The following GRIA3 variants were observed in gnomAD, a reference collection of about 807,000 sequenced individuals.
GRIA3 encodes the protein glutamate receptor 3.
In GRIA3, 3 loss-of-function variants were observed where a neutral mutation model predicts 63.0. The observed-to-expected ratio is 0.05, with a 90% CI of 0.02 to 0.12. GRIA3 has a LOEUF of 0.12. GRIA3 is among the 10% of genes least tolerant of loss of function. The pLI, the probability that GRIA3 is intolerant of heterozygous loss-of-function variation, is 1.00. For missense variants in GRIA3, 347 were observed against 700.9 expected (o/e 0.50, Z 5.70); for synonymous variants, 274 against 257.9 (o/e 1.06, Z -0.60).
intron 2 of GRIA3, among the ~76,000 whole-genome samples, chrX:123,229,927 AAT>A (rs2044267654): frequency 8.9e-6 from 1 of 112,015 alleles, no homozygotes; most frequent in African/African-American, 3.2e-5. Context: ...CATGATGCAA[AAT>A]ATGTGTGCCA....
At chrX:123,243,508 A>G (rs1401582465) in intron 2 of GRIA3, among the ~76,000 whole-genome samples, 5 of 111,704 alleles carry the variant, frequency 4.5e-5, no homozygotes, top group Non-Finnish European at 7.5e-5. Flanking sequence ...GTCTCTTTGC[A>G]TAGGGTGCTC....
intron 2 of GRIA3, among the ~76,000 whole-genome samples, chrX:123,223,457 T>C (rs1271128767): frequency 2.7e-5 from 3 of 112,567 alleles, no homozygotes. Context: ...AGAGCAGACA[T>C]GCCAAGGATT....
intron 10 of GRIA3, among the ~76,000 whole-genome samples, chrX:123,414,515 T>A (rs2045524857): frequency 9.0e-6 from 1 of 111,562 alleles, no homozygotes; most frequent in South Asian, 3.8e-4. Context: ...GTTGGTTTGC[T>A]GCACCAATCA....
At chrX:123,191,506 C>T (rs552697214) in intron 2 of GRIA3, among the ~76,000 whole-genome samples, 1 of 111,887 alleles carries the variant, frequency 8.9e-6, no homozygotes, top group South Asian at 3.8e-4. Flanking sequence ...CAGTCCTTGA[C>T]AAAGGTTAAC....
intron 2 of GRIA3, among the ~76,000 whole-genome samples, chrX:123,214,742 T>G (rs1303714756): frequency 8.9e-6 from 1 of 112,281 alleles, no homozygotes; most frequent in Admixed American, 9.4e-5. Flanking sequence ...AGAAATCAAT[T>G]TATTTTTCTT....
chrX:123,276,704 C>T (rs1225105579), intron 3 of GRIA3, among the ~76,000 whole-genome samples: 1 of 111,234 alleles, frequency 9.0e-6, no homozygotes, highest in Non-Finnish European at 1.9e-5. Context: ...GTGCTCATAG[C>T]CTTAGTCTTT....
chrX:123,317,281 C>A (rs2147326903), intron 3 of GRIA3, among the ~76,000 whole-genome samples: 1 of 111,252 alleles, frequency 9.0e-6, no homozygotes. Context: ...CAAACCATAT[C>A]ATTCTGCCCT....
intron 13 of GRIA3, among the ~76,000 whole-genome samples, chrX:123,477,178 C>T (rs1181727548): frequency 8.9e-6 from 1 of 111,813 alleles, no homozygotes; most frequent in Admixed American, 9.5e-5. Context: ...TTCTGAAATG[C>T]TTTGTCCCAG....
intron 5 of GRIA3, among the ~76,000 whole-genome samples, chrX:123,387,015 C>G (rs2045358054): frequency 9.0e-6 from 1 of 111,307 alleles, no homozygotes; most frequent in Non-Finnish European, 1.9e-5. Context: ...GGTATTTTGA[C>G]AGGAATTGCA....
intron 3 of GRIA3, among the ~76,000 whole-genome samples, chrX:123,262,050 C>A (rs911049189): frequency 9.0e-6 from 1 of 111,559 alleles, no homozygotes; most frequent in Non-Finnish European, 1.9e-5. Context: ...AGGGTTTGGG[C>A]CTGAAACATC....
At chrX:123,210,175 CTT>C (rs200522754) in intron 2 of GRIA3, among the ~76,000 whole-genome samples, 9,239 of 92,092 alleles carry the variant, frequency 0.1, 594 homozygotes, top group East Asian at 0.3. Context: ...CAACCTGCTC[CTT>C]TTTTTTTTTT....
At chrX:123,316,010 TAAAAA>T (rs59913158) in intron 3 of GRIA3, among the ~76,000 whole-genome samples, 1 of 81,957 alleles carries the variant, frequency 1.2e-5, no homozygotes, top group African/African-American at 4.5e-5. Flanking sequence ...ACCCCATCTC[TAAAAA>T]AAAAAAAAAA....
At chrX:123,188,505 A>AC (rs749877220) in intron 2 of GRIA3, among the ~76,000 whole-genome samples, 1 of 110,332 alleles carries the variant, frequency 9.1e-6, no homozygotes, top group African/African-American at 3.3e-5. Context: ...CTGACAGGTG[A>AC]CCCCCAGGTT....
intron 12 of GRIA3, among the ~76,000 whole-genome samples, chrX:123,444,116 C>T (rs1312030518): frequency 9.0e-6 from 1 of 111,053 alleles, no homozygotes; most frequent in Non-Finnish European, 1.9e-5. Context: ...AACCTTTAGC[C>T]AAAGATCTCT....
chrX:123,202,518 G>C, intron 2 of GRIA3: 1 of 723,732 alleles, frequency 1.4e-6, no homozygotes, highest in Non-Finnish European at 2.0e-6. Flanking sequence ...CTGTGGCCTG[G>C]ACAGTGTACA....
intron 5 of GRIA3, among the ~76,000 whole-genome samples, chrX:123,369,911 A>T (rs1205749683): frequency 1.8e-5 from 2 of 111,587 alleles, no homozygotes; most frequent in Non-Finnish European, 3.8e-5. Flanking sequence ...TTCTAGGTGA[A>T]TAAGGACCAG....
intron 4 of GRIA3, among the ~76,000 whole-genome samples, chrX:123,352,085 A>AC (rs2045099001): frequency 9.8e-6 from 1 of 102,219 alleles, no homozygotes; most frequent in South Asian, 4.4e-4. Flanking sequence ...CATTTCAAAC[A>AC]TTTTTTTTTT....
intron 3 of GRIA3, among the ~76,000 whole-genome samples, chrX:123,286,363 A>G (rs1288653200): frequency 8.9e-6 from 1 of 111,836 alleles, no homozygotes; most frequent in Non-Finnish European, 1.9e-5. Context: ...AAAGAACTAG[A>G]GAAGCAAGAG....
intron 2 of GRIA3, among the ~76,000 whole-genome samples, chrX:123,222,458 C>T (rs191977855): frequency 4.5e-4 from 51 of 112,288 alleles, no homozygotes; most frequent in Non-Finnish European, 8.3e-4. Flanking sequence ...CTTTCTCAAT[C>T]ACTAACCTAG....
Sources: allele counts gnomAD v4.1 joint callset (sites outside exome capture counted in the v4.1 genomes callset), GRCh38; gene constraint gnomAD v4.1.1; transcripts MANE v1.5; gene names NCBI Gene and HGNC (gene_info 2026-07-23, HGNC 2026-07-21).